Variants in CSMD1 observed in about 807,000 individuals in gnomAD.
CSMD1 encodes the protein CUB and sushi domain-containing protein 1.
Under a neutral mutation model 417.5 loss-of-function variants are expected in CSMD1, and 213 were observed. The observed-to-expected ratio is 0.51, with a 90% CI of 0.46 to 0.57. The LOEUF is 0.57. Among genes scored for constraint, CSMD1 ranks in the 20% least tolerant of loss-of-function variants. The probability of loss-of-function intolerance (pLI) is 0.00; values close to 1 mark genes in which losing one functional copy is unlikely to be tolerated. For synonymous variants in CSMD1, 2,862 were observed against 1,736.8 expected (o/e 1.65, Z -16.11); for missense variants, 6,923 against 4,529.7 (o/e 1.53, Z -15.17).
At chr8:3,458,408 G>C (rs888145090) in intron 12 of CSMD1, among the ~76,000 whole-genome samples, 2 of 152,098 alleles carry the variant, frequency 1.3e-5, no homozygotes, top group Admixed American at 6.5e-5. Flanking sequence ...GAAATCAAGA[G>C]TCAATGGGTC....
At chr8:4,217,463 T>C (rs1800752966) in intron 3 of CSMD1, among the ~76,000 whole-genome samples, 1 of 152,066 alleles carries the variant, frequency 6.6e-6, no homozygotes, top group African/African-American at 2.4e-5. Context: ...CTATACACAG[T>C]GAATTAAACA....
At position 3,518,306 on chromosome 8, in the gene CSMD1, G is replaced by T. The variant is rs117049905; in HGVS notation, c.1345-24580C>A. ...AGAGAATTATTTCATGCAGCCAAAA[G>T]CTGACGCAAATTCCTCTGGAGCTTA... On this transcript the variant is annotated intron_variant, in intron 10 of 69. Coordinates refer to ENST00000635120, the MANE Select transcript of CSMD1 (RefSeq NM_033225.6). Among the ~76,000 whole-genome samples the T allele has an allele frequency of 6.6e-3, 1,003 of 152,210 alleles. 3 individuals carry two copies. The highest frequency in any genetic ancestry group is 0.011 in the Non-Finnish European group (771 of 68,006).
intron 33 of CSMD1, among the ~76,000 whole-genome samples, chr8:3,195,937 T>C (rs540992144): frequency 6.6e-6 from 1 of 152,116 alleles, no homozygotes; most frequent in African/African-American, 2.4e-5. Context: ...CCATCTTCAA[T>C]AGGGGCTGTA....
intron 3 of CSMD1, among the ~76,000 whole-genome samples, chr8:4,090,907 C>T (rs1045766556): frequency 6.7e-6 from 1 of 150,314 alleles, no homozygotes; most frequent in African/African-American, 2.5e-5. Flanking sequence ...ACATAAGGGG[C>T]AGTCTTTTTT....
chr8:4,487,263 G>C (rs551929713), intron 2 of CSMD1, among the ~76,000 whole-genome samples: 2 of 152,136 alleles, frequency 1.3e-5, no homozygotes, highest in South Asian at 4.2e-4. Flanking sequence ...TGCCGGTGCG[G>C]TGCACCCATT....
intron 1 of CSMD1, among the ~76,000 whole-genome samples, chr8:4,754,212 T>G (rs1239528772): frequency 2.6e-5 from 4 of 152,078 alleles, no homozygotes; most frequent in African/African-American, 9.7e-5. Flanking sequence ...CTACAACTCT[T>G]AACAGTCGGG....
intron 54 of CSMD1, among the ~76,000 whole-genome samples, chr8:2,993,063 G>A (rs1022197736): frequency 4.6e-5 from 7 of 152,290 alleles, no homozygotes; most frequent in South Asian, 2.1e-4. Context: ...AATAAACACT[G>A]AAAGAAAGGA....
At chr8:3,381,512 T>C (rs910267054) in intron 18 of CSMD1, among the ~76,000 whole-genome samples, 2 of 152,172 alleles carry the variant, frequency 1.3e-5, no homozygotes, top group African/African-American at 4.8e-5. Flanking sequence ...TGAAGAAAAC[T>C]TGAATATTTT....
intron 23 of CSMD1, among the ~76,000 whole-genome samples, chr8:3,323,023 C>G (rs1460274164): frequency 3.3e-5 from 5 of 152,094 alleles, no homozygotes; most frequent in African/African-American, 1.2e-4. Context: ...TGGTTTATTC[C>G]TTTCTTCATC....
At chr8:3,404,402 G>C (rs1812226844) in intron 15 of CSMD1, among the ~76,000 whole-genome samples, 1 of 151,954 alleles carries the variant, frequency 6.6e-6, no homozygotes, top group African/African-American at 2.4e-5. Flanking sequence ...TTTGGAGGTG[G>C]GACCAGGGCA....
intron 5 of CSMD1, among the ~76,000 whole-genome samples, chr8:3,961,693 G>GA (rs1261556289): frequency 6.6e-6 from 1 of 152,094 alleles, no homozygotes; most frequent in African/African-American, 2.4e-5. Context: ...CTTCAAAAAA[G>GA]AAAAAGATTG....
chr8:4,120,382 C>T (rs921708740), intron 3 of CSMD1, among the ~76,000 whole-genome samples: 2 of 152,108 alleles, frequency 1.3e-5, no homozygotes, highest in African/African-American at 2.4e-5. Flanking sequence ...AGACTAATGC[C>T]AACATGCTGA....
chr8:4,005,927 C>CTT (rs1816075365), intron 4 of CSMD1, among the ~76,000 whole-genome samples: 1 of 152,116 alleles, frequency 6.6e-6, no homozygotes, highest in Non-Finnish European at 1.5e-5. Context: ...TTTGCAGAAC[C>CTT]ATGCATTTAT....
chr8:3,439,960 G>C (rs1012145064), intron 12 of CSMD1, among the ~76,000 whole-genome samples: 1 of 152,034 alleles, frequency 6.6e-6, no homozygotes, highest in African/African-American at 2.4e-5. Context: ...AAACCAGGAG[G>C]GCATCTTCTG....
At chr8:4,027,910 G>A (rs1266938550) in intron 4 of CSMD1, among the ~76,000 whole-genome samples, 2 of 152,046 alleles carry the variant, frequency 1.3e-5, no homozygotes, top group African/African-American at 4.8e-5. Context: ...TTCTGAGAGT[G>A]AGAATGTAAT....
At chr8:3,719,386 G>A (rs1332454927) in intron 6 of CSMD1, among the ~76,000 whole-genome samples, 2 of 152,202 alleles carry the variant, frequency 1.3e-5, no homozygotes, top group East Asian at 3.9e-4. Context: ...GTTAAAAGAA[G>A]GGCTTGAATT....
chr8:2,944,038 G>C (rs1298449166), intron 68 of CSMD1, among the ~76,000 whole-genome samples: 1 of 152,102 alleles, frequency 6.6e-6, no homozygotes, highest in African/African-American at 2.4e-5. Context: ...AATAGATGTA[G>C]GATTATGACT....
chr8:3,072,717 T>C (rs2128999152), intron 49 of CSMD1, among the ~76,000 whole-genome samples: 1 of 152,322 alleles, frequency 6.6e-6, no homozygotes, highest in Admixed American at 6.5e-5. Flanking sequence ...ATCTGAACTT[T>C]TCATCTCCAC....
At position 3,259,791 on chromosome 8, in the gene CSMD1, GC is replaced by G. The variant is rs529887420; in HGVS notation, c.4153+24352del. Among the ~76,000 whole-genome samples, 12 of 152,278 alleles carry G rather than the reference GC, an allele frequency of 7.9e-5. No individual in the cohort carries two copies. In the East Asian group the frequency reaches 2.3e-3, roughly 29 times the overall value. On this transcript the variant is annotated intron_variant, in intron 26 of 69. Coordinates refer to ENST00000635120, the MANE Select transcript of CSMD1 (RefSeq NM_033225.6). ...AACTGTATACTGGAAATCAAATCTGGCCCATCAGCTAGTATTGTAGCTTGAA... is the reference window on the plus strand; with the variant it reads ...AACTGTATACTGGAAATCAAATCTGGCCATCAGCTAGTATTGTAGCTTGAA...
Sources: gnomAD v4.1 joint callset for allele counts (sites outside exome capture counted in the v4.1 genomes callset) on GRCh38, gnomAD v4.1.1 for gene constraint, MANE v1.5 for transcripts, NCBI Gene and HGNC (gene_info 2026-07-23, HGNC 2026-07-21) for gene names.